Variants in ARHGAP15 observed in about 807,000 individuals in gnomAD.
ARHGAP15 encodes the protein rho GTPase-activating protein 15.
ARHGAP15 carries 51 observed loss-of-function variants against 63.7 expected under a neutral mutation model. The observed-to-expected ratio is 0.80, with a 90% confidence interval of 0.64 to 1.01. The LOEUF (loss-of-function observed/expected upper bound fraction) is 1.01. Among genes scored for constraint, ARHGAP15 ranks in the 50% least tolerant of loss-of-function variants. The pLI, the probability that ARHGAP15 is intolerant of heterozygous loss-of-function variation, is 0.00. For synonymous variants in ARHGAP15, 191 were observed against 193.8 expected, an observed-to-expected ratio of 0.99 and a Z score of 0.12; for missense variants, 560 against 564.6, an observed-to-expected ratio of 0.99 and a Z score of 0.08.
At chr2:143,544,504 AAC>A (rs2105057953) in intron 10 of ARHGAP15, among the ~76,000 whole-genome samples, 1 of 152,334 alleles carries the variant, frequency 6.6e-6, no homozygotes, top group Admixed American at 6.5e-5. Flanking sequence ...TATGTATATA[AAC>A]ACATAAAATA....
chr2:143,450,175 G>A (rs868075625), intron 8 of ARHGAP15, among the ~76,000 whole-genome samples: 58 of 139,944 alleles, frequency 4.1e-4, no homozygotes, highest in Middle Eastern at 7.9e-3. Flanking sequence ...TTTTTAAATC[G>A]GGCATAACCA....
At chr2:143,168,262 C>G (rs1293712576) in intron 2 of ARHGAP15, among the ~76,000 whole-genome samples, 2 of 151,988 alleles carry the variant, frequency 1.3e-5, no homozygotes, top group Admixed American at 6.6e-5. Flanking sequence ...GCCTTGAACT[C>G]CTGGGTGCAA....
chr2:143,190,844 C>T (rs1691659821), intron 2 of ARHGAP15, among the ~76,000 whole-genome samples: 1 of 152,210 alleles, frequency 6.6e-6, no homozygotes, highest in Non-Finnish European at 1.5e-5. Flanking sequence ...AATCTCGGCT[C>T]ACTGCAACCT....
intron 6 of ARHGAP15, among the ~76,000 whole-genome samples, chr2:143,287,863 G>C (rs1284263182): frequency 3.3e-5 from 5 of 152,110 alleles, no homozygotes; most frequent in African/African-American, 1.2e-4. Context: ...TCTCTCCAGG[G>C]GAGGTGAATG....
chr2:143,496,606 A>G (rs1284979492), intron 9 of ARHGAP15, among the ~76,000 whole-genome samples: 1 of 152,208 alleles, frequency 6.6e-6, no homozygotes, highest in Non-Finnish European at 1.5e-5. Context: ...TATGTAACTC[A>G]CTATACTTTA....
At chr2:143,660,216 T>A (rs915656144) in intron 12 of ARHGAP15, among the ~76,000 whole-genome samples, 5 of 152,244 alleles carry the variant, frequency 3.3e-5, no homozygotes, top group Admixed American at 1.3e-4. Flanking sequence ...CTGTTTTTTT[T>A]AAATTGTATC....
At chr2:143,482,763 C>T (rs1301564965) in intron 8 of ARHGAP15, among the ~76,000 whole-genome samples, 1 of 152,178 alleles carries the variant, frequency 6.6e-6, no homozygotes, top group Non-Finnish European at 1.5e-5. Flanking sequence ...GCTTTATATC[C>T]ACGCACTTCT....
At chr2:143,334,647 G>C (rs1684693982) in intron 6 of ARHGAP15, among the ~76,000 whole-genome samples, 1 of 152,048 alleles carries the variant, frequency 6.6e-6, no homozygotes, top group Non-Finnish European at 1.5e-5. Context: ...ATTCCAAAGA[G>C]GTTGTTTATT....
At chr2:143,684,511 T>A (rs112565845) in intron 12 of ARHGAP15, among the ~76,000 whole-genome samples, 1 of 150,330 alleles carries the variant, frequency 6.7e-6, no homozygotes, top group Non-Finnish European at 1.5e-5. Context: ...AATATCCTTA[T>A]TGGGGGGTCC....
intron 2 of ARHGAP15, among the ~76,000 whole-genome samples, chr2:143,166,551 T>C (rs1021805095): frequency 2.6e-5 from 4 of 152,076 alleles, no homozygotes; most frequent in African/African-American, 9.7e-5. Context: ...TAGCCCAGAC[T>C]CTGCTGTTAG....
Position 143,200,537 on chromosome 2 carries a change from ATCTCTCTTTC to A in ARHGAP15, c.166-1579_166-1570del, listed in dbSNP as rs570278270. ...TTTATTTCTTTAATTTCTTACACTT[ATCTCTCTTTC>A]TCTCTCTTTCTCTCTCTCTCTCATC... On this transcript the variant is annotated intron_variant, in intron 2 of 13. Coordinates refer to ENST00000295095, the MANE Select transcript of ARHGAP15 (RefSeq NM_018460.4). Among the ~76,000 whole-genome samples the A allele has an allele frequency of 3.2e-4, 48 of 151,804 alleles. 1 individual carries two copies. In the South Asian group the frequency reaches 4.4e-3, roughly 14 times the overall value.
intron 11 of ARHGAP15, 60 bp from the exon 12 acceptor site, chr2:143,624,073 T>C (rs1698744473): frequency 1.3e-6 from 2 of 1,582,432 alleles, no homozygotes; most frequent in Non-Finnish European, 1.7e-6. Flanking sequence ...ACATAATAAT[T>C]AGTGTCTTGT....
intron 3 of ARHGAP15, among the ~76,000 whole-genome samples, chr2:143,214,714 T>C (rs1183576949): frequency 6.6e-6 from 1 of 152,244 alleles, no homozygotes; most frequent in African/African-American, 2.4e-5. Flanking sequence ...ATTATTATTA[T>C]CTCTATCATT....
At chr2:143,516,387 C>T (rs553830162) in intron 9 of ARHGAP15, among the ~76,000 whole-genome samples, 2 of 152,320 alleles carry the variant, frequency 1.3e-5, no homozygotes, top group South Asian at 2.1e-4. Flanking sequence ...CTCCCACCCT[C>T]TGTTGTACAA....
intron 12 of ARHGAP15, among the ~76,000 whole-genome samples, chr2:143,637,067 G>A (rs1041344205): frequency 7.3e-5 from 11 of 151,648 alleles, no homozygotes; most frequent in East Asian, 3.9e-4. Flanking sequence ...ATCCTACCAG[G>A]AGAGCCCCAC....
At chr2:143,386,779 C>G (rs1161818340) in intron 6 of ARHGAP15, among the ~76,000 whole-genome samples, 1 of 152,108 alleles carries the variant, frequency 6.6e-6, no homozygotes, top group African/African-American at 2.4e-5. Context: ...TATTTTACCA[C>G]AAATAGTTAT....
intron 9 of ARHGAP15, among the ~76,000 whole-genome samples, chr2:143,498,943 G>A (rs1364343443): frequency 3.9e-5 from 6 of 152,142 alleles, no homozygotes; most frequent in Non-Finnish European, 1.5e-5. Flanking sequence ...ATAAAAGGCA[G>A]CCATTTAAGA....
chr2:143,661,942 G>C (rs1035230960), intron 12 of ARHGAP15, among the ~76,000 whole-genome samples: 2 of 152,224 alleles, frequency 1.3e-5, no homozygotes, highest in African/African-American at 4.8e-5. Context: ...CTCGCTGATT[G>C]CTAGCACAGC....
chr2:143,352,254 GCTTT>G (rs1553468191), intron 6 of ARHGAP15, among the ~76,000 whole-genome samples: 1 of 152,120 alleles, frequency 6.6e-6, no homozygotes, highest in Non-Finnish European at 1.5e-5. Context: ...TGTTTAAAGA[GCTTT>G]CTTTATGTAC....
Sources: allele counts gnomAD v4.1 joint callset (sites outside exome capture counted in the v4.1 genomes callset), GRCh38; gene constraint gnomAD v4.1.1; transcripts MANE v1.5; gene names NCBI Gene and HGNC (gene_info 2026-07-23, HGNC 2026-07-21).